The following ASIP variants were observed in gnomAD, a reference collection of about 807,000 sequenced individuals.
The protein encoded by ASIP is agouti signaling protein.
ASIP carries 11 observed loss-of-function variants against 10.3 expected under a neutral mutation model. The ratio of observed to expected loss-of-function variants is 1.07; its 90% CI spans 0.68 to 1.78. ASIP has a LOEUF of 1.78. Ranked by LOEUF, ASIP falls within the 40% of genes most tolerant of loss-of-function variation. The pLI is 0.00. For synonymous variants in ASIP, 70 were observed against 70.8 expected, an observed-to-expected ratio of 0.99 and a Z score of 0.06; for missense variants, 180 against 169.2, an observed-to-expected ratio of 1.06 and a Z score of -0.35.
chr20:34,243,052 C>G (rs1418333408), intron 1 of ASIP, among the ~76,000 whole-genome samples: 2 of 152,250 alleles, frequency 1.3e-5, no homozygotes, highest in Non-Finnish European at 2.9e-5. Flanking sequence ...CATCGCCTAT[C>G]AGCATTGTAT....
chr20:34,231,801 C>A (rs1351721977), intron 1 of ASIP, among the ~76,000 whole-genome samples: 2 of 152,156 alleles, frequency 1.3e-5, no homozygotes, highest in African/African-American at 4.8e-5. Flanking sequence ...CAATGAGATA[C>A]TACTATGTAC....
At chr20:34,223,497 G>T (rs1212313635) in intron 1 of ASIP, among the ~76,000 whole-genome samples, 166 of 147,058 alleles carry the variant, frequency 1.1e-3, no homozygotes, top group Middle Eastern at 3.8e-3. Flanking sequence ...GGAGGGAGGT[G>T]GGGGGTCAGC....
At chr20:34,195,555 T>C (rs578156574) in intron 1 of ASIP, among the ~76,000 whole-genome samples, 62 of 152,284 alleles carry the variant, frequency 4.1e-4, no homozygotes, top group African/African-American at 1.4e-3. Context: ...TTACCAGGAA[T>C]GGTGGGCCCA....
chr20:34,213,861 C>T (rs1179694942), intron 1 of ASIP: 14 of 1,549,154 alleles, frequency 9.0e-6, no homozygotes, highest in East Asian at 2.2e-5. Flanking sequence ...TCACAGTCTG[C>T]TTGTTGCTGA....
chr20:34,211,049 T>C (rs2034971560), intron 1 of ASIP, among the ~76,000 whole-genome samples: 2 of 152,198 alleles, frequency 1.3e-5, no homozygotes, highest in Admixed American at 1.3e-4. Context: ...AAGAGACAGG[T>C]CTTGCTCTGT....
chr20:34,195,563 C>A (rs1297119667), intron 1 of ASIP, among the ~76,000 whole-genome samples: 1 of 152,084 alleles, frequency 6.6e-6, no homozygotes, highest in Non-Finnish European at 1.5e-5. Context: ...AATGGTGGGC[C>A]CATTACAGCC....
chr20:34,260,772 A>T (rs1016419566), intron 2 of ASIP, among the ~76,000 whole-genome samples: 10 of 152,250 alleles, frequency 6.6e-5, no homozygotes, highest in African/African-American at 1.9e-4. Context: ...CCTGAAGTTA[A>T]GACACTTGGT....
At chr20:34,235,829 GAAAGAAAGA>G (rs1568755852) in intron 1 of ASIP, among the ~76,000 whole-genome samples, 1 of 62,648 alleles carries the variant, frequency 1.6e-5, no homozygotes, top group Non-Finnish European at 2.5e-5. Context: ...AAGAAAGAAA[GAAAGAAAGA>G]AAGAAGGAAG....
intron 1 of ASIP, among the ~76,000 whole-genome samples, chr20:34,252,929 A>G (rs1018828491): frequency 2.0e-5 from 3 of 152,188 alleles, no homozygotes; most frequent in Admixed American, 6.5e-5. Context: ...GCACAGCCCT[A>G]AATCCATTAA....
In ASIP at chr20:34,268,979, T is replaced by A; in HGVS notation, c.223-12T>A. Reference sequence around the variant, plus strand: ...GTGGCCGGCTCATAAAGCCCCGGCGTTTCCCACGCAGAAGGAGGCTTCGAT... The same window carrying A: ...GTGGCCGGCTCATAAAGCCCCGGCGATTCCCACGCAGAAGGAGGCTTCGAT... On this transcript the variant is annotated splice_polypyrimidine_tract_variant and intron_variant, in intron 3 of 3. Coordinates refer to ENST00000374954, the MANE Select transcript of ASIP (RefSeq NM_001672.3). 6.3e-7 allele frequency: 1 copy of A among 1,595,958 alleles called. No individual in the cohort carries two copies. The highest frequency in any genetic ancestry group is 2.3e-5 in the East Asian group (1 of 44,078).
chr20:34,192,947 G>T (rs935023512), upstream of ASIP, among the ~76,000 whole-genome samples: 5 of 152,274 alleles, frequency 3.3e-5, no homozygotes, highest in Admixed American at 2.0e-4. Flanking sequence ...TTATCATTGT[G>T]TTAGGAATAC....
intron 1 of ASIP, among the ~76,000 whole-genome samples, chr20:34,220,672 G>A (rs1241745252): frequency 6.6e-6 from 1 of 152,056 alleles, no homozygotes; most frequent in African/African-American, 2.4e-5. Flanking sequence ...CGGGGAATCA[G>A]GGAAGCAGGA....
chr20:34,257,948 A>G (rs999186482), intron 1 of ASIP, among the ~76,000 whole-genome samples: 1 of 152,198 alleles, frequency 6.6e-6, no homozygotes, highest in African/African-American at 2.4e-5. Flanking sequence ...GTTTGAGATC[A>G]GCTTGGCCAA....
intron 1 of ASIP, among the ~76,000 whole-genome samples, chr20:34,220,505 G>A (rs1371194412): frequency 6.6e-6 from 1 of 151,980 alleles, no homozygotes; most frequent in African/African-American, 2.4e-5. Flanking sequence ...TGAGGTGGGA[G>A]GATCGCTTGA....
chr20:34,227,415 G>A (rs1378658321), intron 1 of ASIP, among the ~76,000 whole-genome samples: 1 of 152,006 alleles, frequency 6.6e-6, no homozygotes, highest in Admixed American at 6.6e-5. Context: ...GGCGGATCAC[G>A]AGGTCAAGAG....
intron 1 of ASIP, among the ~76,000 whole-genome samples, chr20:34,248,662 T>C (rs2122625918): frequency 6.6e-6 from 1 of 152,020 alleles, no homozygotes; most frequent in South Asian, 2.1e-4. Flanking sequence ...TGGCCTGGTG[T>C]GGTGGCTCAC....
At chr20:34,199,041 G>A (rs757048174) in intron 1 of ASIP, among the ~76,000 whole-genome samples, 22 of 151,978 alleles carry the variant, frequency 1.4e-4, no homozygotes, top group African/African-American at 4.1e-4. Context: ...GTTTTTATGC[G>A]TGGCTTCTTT....
Position 34,269,022 on chromosome 20 carries a change from C to G in ASIP, c.254C>G (p.Pro85Arg), listed in dbSNP as rs763741682. The G allele has an allele frequency of 2.9e-5, 47 of 1,608,052 alleles. No individual in the cohort carries two copies. Among genetic ancestry groups the G allele is most frequent in the Non-Finnish European group, 3.8e-5 (45 of 1,178,014 alleles). The change falls in exon 4 of 4, where the codon CCC becomes CGC. Residue 85 changes from proline (P) to arginine (R), a missense_variant. Physicochemically the swap from Pro to Arg is moderately radical, Grantham distance 103. Transcript: ENST00000374954. Reference sequence around the variant, plus strand: ...GCTTCGATGAAGAAAGTGGTGCGGCCCCGGACCCCCCTATCTGCGCCCTGC... The same window carrying G: ...GCTTCGATGAAGAAAGTGGTGCGGCGCCGGACCCCCCTATCTGCGCCCTGC... ...KEASMKKVVR[P>R]RTPLSAPCVA...
At position 34,258,688 on chromosome 20, in the gene ASIP, T is replaced by TATATATATATATATATATATATATATAC. The variant is rs1277541256; in HGVS notation, c.-10-1674_-10-1673insTATATATATATATATATATATATACATA. 6.3e-4 allele frequency among the ~76,000 whole-genome samples: 42 copies of TATATATATATATATATATATATATATAC among 66,538 alleles called. 2 individuals carry two copies. Among genetic ancestry groups the TATATATATATATATATATATATATATAC allele is most frequent in the Non-Finnish European group, 8.2e-4 (35 of 42,794 alleles). The allele number at this position is 66,538 out of a possible 152,430, so 43.7% of individuals were successfully genotyped here. A position where few individuals can be genotyped will look rare whatever the true frequency, so the allele number is the denominator to read the frequency against. Reference sequence around the variant, plus strand: ...AAGGGGGATGCCATATATATATATATATACATACTATATATATATATTATA... The same window carrying TATATATATATATATATATATATATATAC: ...AAGGGGGATGCCATATATATATATATATATATATATATATATATATATATATACATACATACTATATATATATATTATA... On this transcript the variant is annotated intron_variant, in intron 1 of 3. Coordinates refer to ENST00000374954, the MANE Select transcript of ASIP (RefSeq NM_001672.3).
Sources: allele counts gnomAD v4.1 joint callset (sites outside exome capture counted in the v4.1 genomes callset), GRCh38; gene constraint gnomAD v4.1.1; transcripts MANE v1.5; gene names NCBI Gene and HGNC (gene_info 2026-07-23, HGNC 2026-07-21).